GPC6: variants seen among roughly 807,000 people sequenced by gnomAD.
GPC6 encodes the protein glypican 6.
Under a neutral mutation model 55.2 loss-of-function variants are expected in GPC6, and 14 were observed. The observed-to-expected ratio is 0.25, with a 90% CI of 0.17 to 0.40. GPC6 has a LOEUF of 0.40. GPC6 is among the 10% of genes least tolerant of loss of function. The pLI, the probability that GPC6 is intolerant of heterozygous loss-of-function variation, is 1.00. For missense variants in GPC6, 641 were observed against 708.5 expected, an observed-to-expected ratio of 0.90 and a Z score of 1.08; for synonymous variants, 278 against 259.6, an observed-to-expected ratio of 1.07 and a Z score of -0.68.
chr13:93,740,995 A>G (rs1430202285), intron 2 of GPC6, among the ~76,000 whole-genome samples: 1 of 152,124 alleles, frequency 6.6e-6, no homozygotes, highest in Non-Finnish European at 1.5e-5. Context: ...TTGCAATTAG[A>G]AAAACATGAT....
rs61964380 is a variant in GPC6 at position 93,915,906 on chromosome 13, T to C, written c.711+85361T>C. Among the ~76,000 whole-genome samples the C allele has an allele frequency of 2.1e-3, 317 of 152,298 alleles. 2 individuals are homozygous for C. The highest frequency in any genetic ancestry group is 4.1e-3 in the Admixed American group (63 of 15,298). ...GCTTTGTGAGTGGCTGCAGAGGAGC[T>C]AGAAGTGTCCTGGAAGTGCCGGGAA... is the stretch of plus-strand genomic sequence containing the variant. On this transcript the variant is annotated intron_variant, in intron 3 of 8. Transcript: ENST00000377047.
chr13:93,525,061 G>A (rs1881597011), intron 1 of GPC6, among the ~76,000 whole-genome samples: 1 of 152,046 alleles, frequency 6.6e-6, no homozygotes, highest in African/African-American at 2.4e-5. Context: ...ACTAATATTT[G>A]TTTAGGGATG....
intron 1 of GPC6, among the ~76,000 whole-genome samples, chr13:93,287,128 T>C (rs1878156249): frequency 6.6e-6 from 1 of 152,212 alleles, no homozygotes; most frequent in South Asian, 2.1e-4. Flanking sequence ...TCATTATGTA[T>C]ATGCAAATAT....
At chr13:93,846,551 G>A (rs551453191) in intron 3 of GPC6, among the ~76,000 whole-genome samples, 35 of 152,286 alleles carry the variant, frequency 2.3e-4, no homozygotes, top group Admixed American at 1.4e-3. Flanking sequence ...GGTGGCTCAC[G>A]CCTGTAATCC....
chr13:93,351,147 A>T lies in GPC6; in HGVS notation c.160+123531A>T, dbSNP rs191516120. 7.9e-3 allele frequency among the ~76,000 whole-genome samples: 1,206 copies of T among 152,304 alleles called. 17 individuals carry two copies. Among genetic ancestry groups the T allele is most frequent in the Middle Eastern group, 0.037 (11 of 294 alleles). On this transcript the variant is annotated intron_variant, in intron 1 of 8. Transcript: ENST00000377047. ...AAACAGTGGTATTATGCTTAAAAAAATTTGAATACAAGTATGTTAAATTAG... is the reference window on the plus strand; with the variant it reads ...AAACAGTGGTATTATGCTTAAAAAATTTTGAATACAAGTATGTTAAATTAG...
intron 3 of GPC6, among the ~76,000 whole-genome samples, chr13:93,915,839 T>G (rs1232755832): frequency 6.6e-6 from 1 of 152,180 alleles, no homozygotes; most frequent in Non-Finnish European, 1.5e-5. Context: ...TCTCTCCTTT[T>G]CTGAATTTGA....
intron 1 of GPC6, among the ~76,000 whole-genome samples, chr13:93,307,861 T>G (rs913796565): frequency 7.9e-5 from 12 of 152,192 alleles, no homozygotes; most frequent in African/African-American, 2.9e-4. Flanking sequence ...AAATGATGAC[T>G]GCAAGTTAAA....
intron 4 of GPC6, among the ~76,000 whole-genome samples, chr13:94,067,568 A>G (rs1323636888): frequency 1.3e-5 from 2 of 148,928 alleles, no homozygotes; most frequent in African/African-American, 2.5e-5. Context: ...TGAGAGATAG[A>G]TAGATAGATT....
At chr13:93,231,715 G>A (rs1036970959) in intron 1 of GPC6, among the ~76,000 whole-genome samples, 8 of 151,634 alleles carry the variant, frequency 5.3e-5, no homozygotes, top group Non-Finnish European at 1.2e-4. Flanking sequence ...TGAAATATTG[G>A]GTTAGTCCAA....
intron 3 of GPC6, among the ~76,000 whole-genome samples, chr13:93,944,272 C>G (rs1222913079): frequency 1.3e-5 from 2 of 151,834 alleles, no homozygotes; most frequent in Non-Finnish European, 2.9e-5. Context: ...GGCGCCATCT[C>G]GGCTCACTGC....
chr13:93,670,042 G>A (rs1183882068), intron 2 of GPC6, among the ~76,000 whole-genome samples: 2 of 152,126 alleles, frequency 1.3e-5, no homozygotes, highest in African/African-American at 2.4e-5. Flanking sequence ...TTCTCACAAC[G>A]GGACTAAATT....
chr13:93,331,553 G>A (rs1879845631), intron 1 of GPC6, among the ~76,000 whole-genome samples: 1 of 152,040 alleles, frequency 6.6e-6, no homozygotes, highest in Non-Finnish European at 1.5e-5. Flanking sequence ...ATAAGCATAT[G>A]CATATCTGGA....
chr13:94,389,808 A>G (rs1428783874), intron 7 of GPC6, among the ~76,000 whole-genome samples: 1 of 152,122 alleles, frequency 6.6e-6, no homozygotes, highest in East Asian at 1.9e-4. Context: ...TCCCCCATAA[A>G]ACTGACAAAA....
At chr13:93,743,481 C>A (rs1424342589) in intron 2 of GPC6, among the ~76,000 whole-genome samples, 1 of 152,042 alleles carries the variant, frequency 6.6e-6, no homozygotes, top group African/African-American at 2.4e-5. Context: ...TAACATTTTT[C>A]TCTAATTTTC....
chr13:94,044,753 A>G (rs1883665916), intron 4 of GPC6, among the ~76,000 whole-genome samples: 1 of 151,870 alleles, frequency 6.6e-6, no homozygotes, highest in Admixed American at 6.6e-5. Context: ...GCTACTTATA[A>G]GAATCCCTAT....
At chr13:94,348,140 T>C (rs905312343) in intron 6 of GPC6, among the ~76,000 whole-genome samples, 5 of 152,340 alleles carry the variant, frequency 3.3e-5, no homozygotes, top group African/African-American at 1.2e-4. Flanking sequence ...TTTTAGCCTA[T>C]AAGGGCCTTA....
intron 2 of GPC6, among the ~76,000 whole-genome samples, chr13:93,739,436 T>TTC (rs1347762326): frequency 6.6e-6 from 1 of 150,972 alleles, no homozygotes; most frequent in East Asian, 1.9e-4. Context: ...AAATACATTT[T>TTC]TTTTTTTTTT....
At chr13:93,908,116 T>C (rs1041632449) in intron 3 of GPC6, among the ~76,000 whole-genome samples, 4 of 152,160 alleles carry the variant, frequency 2.6e-5, no homozygotes, top group Non-Finnish European at 5.9e-5. Flanking sequence ...TGACCCAAGA[T>C]TTTCTCCATA....
chr13:93,308,519 G>A (rs1439980527), intron 1 of GPC6, among the ~76,000 whole-genome samples: 1 of 152,140 alleles, frequency 6.6e-6, no homozygotes, highest in African/African-American at 2.4e-5. Flanking sequence ...TCAGCTCACT[G>A]GAACCTCTGG....
Sources: gnomAD v4.1 joint callset for allele counts (sites outside exome capture counted in the v4.1 genomes callset) on GRCh38, gnomAD v4.1.1 for gene constraint, MANE v1.5 for transcripts, NCBI Gene and HGNC (gene_info 2026-07-23, HGNC 2026-07-21) for gene names.